Variants in ALK observed in about 807,000 individuals in gnomAD.
ALK encodes ALK receptor tyrosine kinase.
A neutral mutation model predicts 163.1 loss-of-function variants in ALK; 74 were observed. The ratio of observed to expected loss-of-function variants is 0.45; its 90% CI spans 0.38 to 0.55. ALK has a LOEUF of 0.55. Ranked by LOEUF, ALK falls within the 20% of genes least tolerant of loss-of-function variation. ALK has a pLI of 0.00. For missense variants in ALK, 2,063 were observed against 2,105.3 expected (o/e 0.98, Z 0.39); for synonymous variants, 960 against 843.2 (o/e 1.14, Z -2.40).
At chr2:29,349,671 C>T (rs34308966) in intron 5 of ALK, among the ~76,000 whole-genome samples, 66,366 of 152,030 alleles carry the variant, frequency 0.44, 14,896 homozygotes, top group East Asian at 0.77. Context: ...GAGGAGCACC[C>T]TGCAGGTGGT....
In ALK at chr2:29,840,751, A is replaced by G. The variant is rs144732004; in HGVS notation, c.667+79242T>C. On this transcript the variant is annotated intron_variant, in intron 1 of 28. Transcript: ENST00000389048. ...AGTTATTGCATCTATTAATAACTGA[A>G]CATTTACATGGCACATTGTAGTATG... Among the ~76,000 whole-genome samples the G allele has an allele frequency of 1.6e-3, 239 of 152,354 alleles. 2 individuals are homozygous for G. Among genetic ancestry groups the G allele is most frequent in the African/African-American group, 5.5e-3 (227 of 41,582 alleles).
intron 3 of ALK, among the ~76,000 whole-genome samples, chr2:29,609,059 G>A (rs1212943474): frequency 6.6e-6 from 1 of 152,174 alleles, no homozygotes; most frequent in Non-Finnish European, 1.5e-5. Context: ...AAGTAGCTGA[G>A]ATGACAGGCA....
intron 15 of ALK, among the ~76,000 whole-genome samples, chr2:29,230,379 A>G (rs1485498543): frequency 6.6e-6 from 1 of 151,796 alleles, no homozygotes; most frequent in African/African-American, 2.4e-5. Flanking sequence ...GAGGTATTCT[A>G]AAAACCCTAA....
intron 3 of ALK, among the ~76,000 whole-genome samples, chr2:29,572,270 T>C (rs1674396346): frequency 6.6e-6 from 1 of 152,222 alleles, no homozygotes; most frequent in Non-Finnish European, 1.5e-5. Context: ...GAGGCATATT[T>C]GTGGAGAGGT....
At chr2:29,691,533 C>T (rs1678396036) in intron 3 of ALK, among the ~76,000 whole-genome samples, 1 of 152,144 alleles carries the variant, frequency 6.6e-6, no homozygotes. Context: ...TTAAAAAAAA[C>T]AGATATTCCA....
At chr2:29,474,338 G>C (rs1671449315) in intron 4 of ALK, among the ~76,000 whole-genome samples, 1 of 152,188 alleles carries the variant, frequency 6.6e-6, no homozygotes, top group Non-Finnish European at 1.5e-5. Flanking sequence ...GTAATGACTG[G>C]GAGGGGGCAT....
chr2:29,381,770 C>A (rs1451710975), intron 5 of ALK, among the ~76,000 whole-genome samples: 1 of 152,210 alleles, frequency 6.6e-6, no homozygotes, highest in Non-Finnish European at 1.5e-5. Context: ...CATTTGCCTA[C>A]ATCGAATAGA....
chr2:29,317,731 T>G (rs75107671), intron 8 of ALK, among the ~76,000 whole-genome samples: 19,282 of 152,172 alleles, frequency 0.13, 1,262 homozygotes, highest in Non-Finnish European at 0.14. Flanking sequence ...ATGAGCTTAA[T>G]CACTGTACCA....
rs1376929970 is a variant in ALK at position 29,193,434 on chromosome 2, C to A, written c.4653G>T (p.Pro1551=). ...AGGGCTCTAGGAGCAGTGAGGCCCCCGGAAGTCTCCCAGTTGCAACGTTAG... is the reference window on the plus strand; with the variant it reads ...AGGGCTCTAGGAGCAGTGAGGCCCCAGGAAGTCTCCCAGTTGCAACGTTAG... ...VPPNVATGRL[P]GASLLLEPSS... is the part of the protein sequence containing the mutation. The change falls in exon 29 of 29, where the codon CCG becomes CCT. Residue 1551 remains proline, a synonymous_variant. Transcript: ENST00000389048. 7 of 1,614,164 alleles carry A rather than the reference C, an allele frequency of 4.3e-6. No homozygotes were observed. The highest frequency in any genetic ancestry group is 5.9e-6 in the Non-Finnish European group (7 of 1,180,034).
chr2:29,361,443 C>G (rs921871537), intron 5 of ALK, among the ~76,000 whole-genome samples: 1 of 152,230 alleles, frequency 6.6e-6, no homozygotes, highest in African/African-American at 2.4e-5. Flanking sequence ...GGAAGAATGA[C>G]TCCCTGTATG....
Position 29,859,615 on chromosome 2 carries a change from G to A in ALK, c.667+60378C>T, listed in dbSNP as rs544464044. ...AAGGTAATGGCAGAGAAAGGGGGTCGCTTGTGAAAAAAAATAAATAGAAAA... is the reference window on the plus strand; with the variant it reads ...AAGGTAATGGCAGAGAAAGGGGGTCACTTGTGAAAAAAAATAAATAGAAAA... On this transcript the variant is annotated intron_variant, in intron 1 of 28. Transcript: ENST00000389048. Among the ~76,000 whole-genome samples the A allele has an allele frequency of 2.6e-5, 4 of 152,038 alleles. No homozygotes were observed. In the South Asian group the frequency reaches 6.3e-4, roughly 24 times the overall value.
Position 29,251,086 on chromosome 2 carries a change from C to T in ALK, c.2204+19G>A, listed in dbSNP as rs935722256. The T allele has an allele frequency of 1.9e-6, 3 of 1,612,720 alleles. No individual in the cohort carries two copies. Among genetic ancestry groups the T allele is most frequent in the Non-Finnish European group, 2.5e-6 (3 of 1,179,252 alleles). On this transcript the variant is annotated intron_variant, in intron 12 of 28. Coordinates refer to ENST00000389048, the MANE Select transcript of ALK (RefSeq NM_004304.5). The stretch of plus-strand genomic sequence containing the variant: ...GGAAGGGGTGGTCTGCCCCTCCCCT[C>T]CCCCTCTTCCATACGCACCTGTAGG...
intron 13 of ALK, 138 bp downstream of exon 13, chr2:29,239,542 T>A: frequency 9.0e-7 from 1 of 1,109,696 alleles, no homozygotes; most frequent in Non-Finnish European, 1.3e-6. Context: ...TTTGCAAAGC[T>A]GCTGTTTAAT....
intron 3 of ALK, among the ~76,000 whole-genome samples, chr2:29,614,490 C>T (rs762643249): frequency 6.6e-6 from 1 of 152,224 alleles, no homozygotes; most frequent in Non-Finnish European, 1.5e-5. Flanking sequence ...AGATTCCCCT[C>T]TCTGTAGACT....
At chr2:29,774,355 C>T (rs1259629488) in intron 1 of ALK, among the ~76,000 whole-genome samples, 3 of 152,204 alleles carry the variant, frequency 2.0e-5, no homozygotes, top group Non-Finnish European at 4.4e-5. Context: ...GGGGTTGAAG[C>T]TGTGGGGCTT....
intron 1 of ALK, among the ~76,000 whole-genome samples, chr2:29,808,865 AG>A (rs1350452503): frequency 6.6e-6 from 1 of 152,220 alleles, no homozygotes; most frequent in Non-Finnish European, 1.5e-5. Context: ...CCACGGCCCC[AG>A]TGACCTTTCA....
At chr2:29,678,422 T>C (rs1677958161) in intron 3 of ALK, among the ~76,000 whole-genome samples, 2 of 151,714 alleles carry the variant, frequency 1.3e-5, no homozygotes, top group African/African-American at 4.8e-5. Flanking sequence ...TTTTCTAATA[T>C]AGGCATTCAA....
intron 1 of ALK, among the ~76,000 whole-genome samples, chr2:29,827,699 C>T (rs1262195026): frequency 1.3e-5 from 2 of 152,176 alleles, no homozygotes; most frequent in Non-Finnish European, 2.9e-5. Context: ...ATTCCACGCT[C>T]ATGGGTAGGA....
At chr2:29,767,114 T>A (rs1452978340) in intron 1 of ALK, among the ~76,000 whole-genome samples, 1 of 152,244 alleles carries the variant, frequency 6.6e-6, no homozygotes, top group African/African-American at 2.4e-5. Context: ...TAGGACCTAC[T>A]ATGCACCAGG....
Sources: gnomAD v4.1 joint callset for allele counts (sites outside exome capture counted in the v4.1 genomes callset) on GRCh38, gnomAD v4.1.1 for gene constraint, MANE v1.5 for transcripts, NCBI Gene and HGNC (gene_info 2026-07-23, HGNC 2026-07-21) for gene names.